The following RBFOX1 variants were observed in gnomAD, a reference collection of about 807,000 sequenced individuals.
RBFOX1 encodes RNA binding fox-1 homolog 1.
A neutral mutation model predicts 57.7 loss-of-function variants in RBFOX1; 8 were observed. That is an observed-to-expected ratio of 0.14 (90% CI 0.08 to 0.25). The LOEUF (loss-of-function observed/expected upper bound fraction) is 0.25. Ranked by LOEUF, RBFOX1 falls within the 10% of genes least tolerant of loss-of-function variation. RBFOX1 has a pLI of 1.00. For missense variants in RBFOX1, 611 were observed against 548.5 expected (o/e 1.11, Z -1.14); for synonymous variants, 326 against 222.4 (o/e 1.47, Z -4.15).
chr16:6,521,495 C>T (rs1221380442), intron 2 of RBFOX1, among the ~76,000 whole-genome samples: 2 of 147,304 alleles, frequency 1.4e-5, no homozygotes, highest in Admixed American at 6.8e-5. Flanking sequence ...CCTCTCCTCC[C>T]GTTTTATCCC....
At chr16:6,208,267 T>A (rs989281097) in intron 1 of RBFOX1, among the ~76,000 whole-genome samples, 2 of 151,672 alleles carry the variant, frequency 1.3e-5, no homozygotes, top group African/African-American at 4.8e-5. Flanking sequence ...GGATATGGAA[T>A]TTTTTTTTAA....
chr16:6,389,084 C>A (rs1454018297), intron 2 of RBFOX1, among the ~76,000 whole-genome samples: 1 of 152,176 alleles, frequency 6.6e-6, no homozygotes, highest in East Asian at 1.9e-4. Flanking sequence ...TGGCTTTGCA[C>A]TTTTGCCAGC....
chr16:6,886,970 GA>G (rs56846059), intron 3 of RBFOX1, among the ~76,000 whole-genome samples: 16,863 of 151,666 alleles, frequency 0.11, 1,038 homozygotes, highest in South Asian at 0.17. Context: ...AACACAAAAT[GA>G]AAAAAAATGC....
At chr16:6,505,350 C>T (rs1261336645) in intron 2 of RBFOX1, among the ~76,000 whole-genome samples, 4 of 152,068 alleles carry the variant, frequency 2.6e-5, no homozygotes, top group East Asian at 1.9e-4. Context: ...TCTAAAAATG[C>T]ACACATTTAT....
intron 1 of RBFOX1, among the ~76,000 whole-genome samples, chr16:5,379,902 C>T (rs2066086987): frequency 6.6e-6 from 1 of 152,126 alleles, no homozygotes; most frequent in South Asian, 2.1e-4. Flanking sequence ...AGGGTAACTC[C>T]TTGCACTTGG....
intron 3 of RBFOX1, among the ~76,000 whole-genome samples, chr16:5,750,601 C>T (rs1458392478): frequency 6.6e-6 from 1 of 152,228 alleles, no homozygotes; most frequent in Non-Finnish European, 1.5e-5. Context: ...TGCCGTCTTG[C>T]AGTTCGATCT....
intron 2 of RBFOX1, among the ~76,000 whole-genome samples, chr16:6,343,039 G>C (rs17139899): frequency 0.22 from 34,123 of 152,048 alleles, 4,750 homozygotes; most frequent in Admixed American, 0.32. Flanking sequence ...TTTCTGATAA[G>C]GATTTTACTT....
chr16:6,589,797 T>G (rs2097685139), intron 2 of RBFOX1, among the ~76,000 whole-genome samples: 1 of 152,250 alleles, frequency 6.6e-6, no homozygotes, highest in African/African-American at 2.4e-5. Flanking sequence ...TAGTTCAGCC[T>G]ATGCCCATAA....
chr16:5,729,112 G>T (rs2052262383), intron 3 of RBFOX1, among the ~76,000 whole-genome samples: 1 of 152,180 alleles, frequency 6.6e-6, no homozygotes. Flanking sequence ...CTGAGAACCG[G>T]AACAGTTGAA....
At chr16:6,123,090 A>G (rs1026547835) in intron 1 of RBFOX1, among the ~76,000 whole-genome samples, 2 of 152,200 alleles carry the variant, frequency 1.3e-5, no homozygotes, top group Non-Finnish European at 2.9e-5. Flanking sequence ...GCAAAATTTT[A>G]GGAGATCCCT....
intron 5 of RBFOX1, among the ~76,000 whole-genome samples, chr16:7,538,080 T>G (rs1175680214): frequency 1.3e-5 from 2 of 152,152 alleles, no homozygotes; most frequent in Non-Finnish European, 2.9e-5. Flanking sequence ...AGTGATCAGC[T>G]CTGGGTTAGA....
intron 2 of RBFOX1, among the ~76,000 whole-genome samples, chr16:6,484,561 T>C (rs548302750): frequency 1.3e-5 from 2 of 152,302 alleles, no homozygotes; most frequent in South Asian, 2.1e-4. Flanking sequence ...TAGAATATAT[T>C]ATATACAGAG....
chr16:6,945,118 G>A (rs80023579), intron 3 of RBFOX1, among the ~76,000 whole-genome samples: 5,619 of 152,192 alleles, frequency 0.037, 341 homozygotes, highest in African/African-American at 0.13. Context: ...CTTTGCTAGG[G>A]TCACGCAGAG....
At chr16:6,738,744 T>C (rs1024413428) in intron 3 of RBFOX1, among the ~76,000 whole-genome samples, 3 of 152,070 alleles carry the variant, frequency 2.0e-5, no homozygotes, top group African/African-American at 4.8e-5. Flanking sequence ...GGCCATAAAA[T>C]AGACATCAGC....
chr16:6,652,247 G>A (rs892709313), intron 2 of RBFOX1, among the ~76,000 whole-genome samples: 4 of 152,138 alleles, frequency 2.6e-5, no homozygotes, highest in Non-Finnish European at 5.9e-5. Flanking sequence ...TCAAGAGATC[G>A]AGAGCATCCT....
intron 4 of RBFOX1, among the ~76,000 whole-genome samples, chr16:7,262,496 A>T (rs1358067438): frequency 1.3e-5 from 2 of 152,258 alleles, no homozygotes. Flanking sequence ...TTAGGAGATC[A>T]GAGTTATTCC....
chr16:6,617,007 A>G (rs573328927), intron 2 of RBFOX1, among the ~76,000 whole-genome samples: 1 of 152,244 alleles, frequency 6.6e-6, no homozygotes, highest in South Asian at 2.1e-4. Context: ...GATACATACT[A>G]TCTGCTTCTT....
rs1293275049 is a variant in RBFOX1 at position 6,620,906 on chromosome 16, C to T, written c.-63-33697C>T. On this transcript the variant is annotated intron_variant, in intron 2 of 15. Transcript: ENST00000550418. ...TGATAGGACTGCCTTAACAAATTAC[C>T]ACAAACTGGTGGCTTAAAACAACAA... 4.6e-5 allele frequency among the ~76,000 whole-genome samples: 7 copies of T among 152,276 alleles called. No homozygotes were observed. The East Asian group carries it at 5.8e-4, about 13-fold the overall frequency.
chr16:6,763,722 A>C (rs920446500), intron 3 of RBFOX1, among the ~76,000 whole-genome samples: 1 of 152,208 alleles, frequency 6.6e-6, no homozygotes. Flanking sequence ...TTTTAGCCTG[A>C]TAGCACGTTT....
Sources: gnomAD v4.1 joint callset for allele counts (sites outside exome capture counted in the v4.1 genomes callset) on GRCh38, gnomAD v4.1.1 for gene constraint, MANE v1.5 for transcripts, NCBI Gene and HGNC (gene_info 2026-07-23, HGNC 2026-07-21) for gene names.